The following CFAP44 variants were observed in gnomAD, a reference collection of about 807,000 sequenced individuals.
CFAP44 encodes cilia and flagella associated protein 44.
In CFAP44, 134 loss-of-function variants were observed where a neutral mutation model predicts 216.2. The ratio of observed to expected loss-of-function variants is 0.62; its 90% confidence interval spans 0.54 to 0.72. The LOEUF is 0.72. CFAP44 is among the 30% of genes least tolerant of loss of function. The pLI is 0.00. For missense variants in CFAP44, 2,035 were observed against 2,182.1 expected (o/e 0.93, Z 1.34); for synonymous variants, 700 against 727.6 (o/e 0.96, Z 0.61).
At position 113,341,968 on chromosome 3, in the gene CFAP44, A is replaced by G. The variant is rs1359456838; in HGVS notation, c.3263-50T>C. 3.4e-6 allele frequency: 5 copies of G among 1,472,310 alleles called. No individual in the cohort carries two copies. In the African/African-American group the frequency reaches 7.3e-5, roughly 21 times the overall value. 91.2% of individuals were successfully genotyped at this position (1,472,310 alleles called of 1,614,324 possible). ...AGCCTTTTTGAGACATAAAAACAAA[A>G]CTCTCAGATATTGTTTTTAACCTGC... On this transcript the variant is annotated intron_variant, in intron 23 of 34. Coordinates refer to ENST00000393845, the MANE Select transcript of CFAP44 (RefSeq NM_001164496.2).
intron 32 of CFAP44, among the ~76,000 whole-genome samples, chr3:113,302,790 A>T (rs1404914972): frequency 6.7e-6 from 1 of 150,188 alleles, no homozygotes; most frequent in African/African-American, 2.4e-5. Flanking sequence ...AAAAAAAAAA[A>T]AGAAAAAGAA....
Position 113,342,000 on chromosome 3 carries a change from A to G in CFAP44, c.3263-82T>C, listed in dbSNP as rs1412374048. 69 of 1,382,250 alleles carry G rather than the reference A, an allele frequency of 5.0e-5. 1 individual carries two copies. In the Admixed American group the frequency reaches 2.2e-3, roughly 43 times the overall value. 85.6% of individuals were successfully genotyped at this position (1,382,250 alleles called of 1,614,324 possible). On this transcript the variant is annotated intron_variant, in intron 23 of 34. Transcript: ENST00000393845. ...GATATTGTTTTTAACCTGCTGCATT[A>G]GAAAAAACACAGAGAATATATTGAA... is the stretch of plus-strand genomic sequence containing the variant.
intron 3 of CFAP44, 21 bp from the exon 4 acceptor site, chr3:113,426,298 A>T (rs761381330): frequency 5.6e-6 from 9 of 1,610,266 alleles, no homozygotes; most frequent in Non-Finnish European, 7.6e-6. Context: ...AAAATAATTT[A>T]AGAAGAGTGA....
rs193255915 is a variant in CFAP44 at position 113,310,821 on chromosome 3, G to C, written c.4517-2553C>G. On this transcript the variant is annotated intron_variant, in intron 28 of 34. Transcript: ENST00000393845. ...GGTTGTTTTAAAAGTGTGGTGTGTA[G>C]TGCCTTCTCTCTCACTCTCTTGGTC... Among the ~76,000 whole-genome samples, 3 of 152,268 alleles carry C rather than the reference G, an allele frequency of 2.0e-5. No individual in the cohort carries two copies. In the East Asian group the frequency reaches 5.8e-4, roughly 29 times the overall value.
chr3:113,368,102 A>G (rs1337013663), intron 18 of CFAP44, among the ~76,000 whole-genome samples: 1 of 152,222 alleles, frequency 6.6e-6, no homozygotes, highest in Non-Finnish European at 1.5e-5. Context: ...AAAAGACCAA[A>G]TCTACATTTG....
At chr3:113,401,142 T>C (rs1934129203) in intron 11 of CFAP44, 98 bp downstream of exon 11, 1 of 1,152,904 alleles carries the variant, frequency 8.7e-7, no homozygotes, top group Non-Finnish European at 1.2e-6. Context: ...ATGAGGACCA[T>C]GATGAAATAT....
intron 15 of CFAP44, among the ~76,000 whole-genome samples, chr3:113,388,470 G>A (rs1211979139): frequency 6.6e-6 from 1 of 151,164 alleles, no homozygotes; most frequent in Non-Finnish European, 1.5e-5. Context: ...AAGAAGGAAG[G>A]AGAGAAGAAA....
intron 18 of CFAP44, among the ~76,000 whole-genome samples, chr3:113,367,582 C>T (rs1004960260): frequency 6.6e-6 from 1 of 152,154 alleles, no homozygotes; most frequent in African/African-American, 2.4e-5. Flanking sequence ...CTGTAGGTCA[C>T]CAACATCAAA....
At chr3:113,381,658 C>G (rs1933513751) in intron 15 of CFAP44, among the ~76,000 whole-genome samples, 1 of 152,196 alleles carries the variant, frequency 6.6e-6, no homozygotes. Context: ...GACTTCAAAA[C>G]CATGCATTTA....
At chr3:113,406,623 CA>C (rs760843818) in intron 8 of CFAP44, among the ~76,000 whole-genome samples, 3,100 of 79,806 alleles carry the variant, frequency 0.039, 72 homozygotes, top group African/African-American at 0.12. Flanking sequence ...GACCCTGTCT[CA>C]AAAAAAAAAA....
chr3:113,328,970 TATCA>T (rs1372642870), intron 26 of CFAP44, among the ~76,000 whole-genome samples: 2 of 152,168 alleles, frequency 1.3e-5, no homozygotes, highest in Non-Finnish European at 2.9e-5. Context: ...TAATCCTATC[TATCA>T]GTGTCCCTGC....
intron 28 of CFAP44, among the ~76,000 whole-genome samples, chr3:113,317,568 A>G (rs751876154): frequency 3.9e-5 from 6 of 152,164 alleles, no homozygotes; most frequent in Non-Finnish European, 7.3e-5. Flanking sequence ...CACGAAGCAA[A>G]TTGGATCCCC....
chr3:113,358,471 A>G (rs1950511120), intron 22 of CFAP44, among the ~76,000 whole-genome samples: 1 of 152,178 alleles, frequency 6.6e-6, no homozygotes, highest in Admixed American at 6.5e-5. Context: ...TTAATTTGAT[A>G]TAAAATAAAT....
At chr3:113,323,481 AG>A (rs1363360199) in intron 28 of CFAP44, among the ~76,000 whole-genome samples, 1 of 152,128 alleles carries the variant, frequency 6.6e-6, no homozygotes, top group Non-Finnish European at 1.5e-5. Flanking sequence ...TGAGGGAAGG[AG>A]GGGGGCATTG....
intron 24 of CFAP44, among the ~76,000 whole-genome samples, chr3:113,336,698 C>T (rs997033185): frequency 4.0e-5 from 6 of 151,716 alleles, no homozygotes; most frequent in African/African-American, 1.5e-4. Context: ...GATGTAAGCC[C>T]TAAATATAAA....
intron 4 of CFAP44, 47 bp from the exon 5 acceptor site, chr3:113,420,226 T>G: frequency 6.6e-7 from 1 of 1,524,870 alleles, no homozygotes; most frequent in East Asian, 2.3e-5. Context: ...ACTACCATCC[T>G]AGGGATTGGA....
intron 28 of CFAP44, among the ~76,000 whole-genome samples, chr3:113,316,097 G>A (rs975535859): frequency 1.3e-5 from 2 of 152,174 alleles, no homozygotes; most frequent in Non-Finnish European, 2.9e-5. Context: ...TACAGAATAT[G>A]TTCTCCGACC....
chr3:113,396,332 C>T (rs1010116597), intron 14 of CFAP44, among the ~76,000 whole-genome samples, 186 bp downstream of exon 14: 2 of 152,084 alleles, frequency 1.3e-5, no homozygotes, highest in Non-Finnish European at 2.9e-5. Context: ...TGCTCCAGCT[C>T]TCTTCTGATT....
intron 22 of CFAP44, among the ~76,000 whole-genome samples, chr3:113,347,628 G>C (rs1465358094): frequency 6.6e-6 from 1 of 152,176 alleles, no homozygotes; most frequent in Non-Finnish European, 1.5e-5. Context: ...TGGGTGGGGA[G>C]ACCAACTATC....
Sources: allele counts gnomAD v4.1 joint callset (sites outside exome capture counted in the v4.1 genomes callset), GRCh38; gene constraint gnomAD v4.1.1; transcripts MANE v1.5; gene names NCBI Gene and HGNC (gene_info 2026-07-23, HGNC 2026-07-21).